Variants in CD109 observed in about 807,000 individuals in gnomAD.
CD109 encodes the protein CD109 antigen.
In CD109, 149 loss-of-function variants were observed where a neutral mutation model predicts 165.8. The observed-to-expected ratio is 0.90, with a 90% confidence interval of 0.79 to 1.03. The LOEUF is 1.03. CD109 is among the 50% of genes least tolerant of loss of function. The pLI, the probability that CD109 is intolerant of heterozygous loss-of-function variation, is 0.00. For synonymous variants in CD109, 585 were observed against 592.1 expected, an observed-to-expected ratio of 0.99 and a Z score of 0.18; for missense variants, 1,712 against 1,677.8, an observed-to-expected ratio of 1.02 and a Z score of -0.36.
At chr6:73,743,657 T>G (rs1480135127) in intron 5 of CD109, among the ~76,000 whole-genome samples, 1 of 152,226 alleles carries the variant, frequency 6.6e-6, no homozygotes, top group African/African-American at 2.4e-5. Context: ...CATCTTTGTT[T>G]GGACAGTTCT....
chr6:73,812,287 AT>A lies in CD109; in HGVS notation c.3768+24del, dbSNP rs766136357. On this transcript the variant is annotated intron_variant, in intron 29 of 32. Transcript: ENST00000287097. The stretch of plus-strand genomic sequence containing the variant: ...ATTTGTCAGGTATGTAACGATGCTT[AT>A]TTTTTTAAGTTAAATATGACTTTTT... 7.8e-6 allele frequency: 12 copies of A among 1,543,506 alleles called. No individual in the cohort carries two copies. In the East Asian group the frequency reaches 9.1e-5, roughly 12 times the overall value.
chr6:73,798,487 A>G (rs185192429), intron 23 of CD109, among the ~76,000 whole-genome samples: 2 of 152,234 alleles, frequency 1.3e-5, no homozygotes, highest in East Asian at 1.9e-4. Context: ...GGGATCCACA[A>G]TGATGCATGC....
In CD109 at chr6:73,762,747, G is replaced by C. The variant is rs765239774; in HGVS notation, c.862G>C (p.Gly288Arg). ...GAACTTTTAAACAAAACAGATAAAT[G>C]GATCTGCAAACTTCTCTTTTAATGA... ...KNITKTFKIN[G>R]SANFSFNDEE... is the part of the protein sequence containing the mutation. The change falls in exon 9 of 33, where the codon GGA becomes CGA. Residue 288 changes from glycine to arginine, a missense_variant. Coordinates refer to ENST00000287097, the MANE Select transcript of CD109 (RefSeq NM_133493.5). The C allele has an allele frequency of 1.3e-6, 2 of 1,597,488 alleles. No homozygotes were observed.
Position 73,736,498 on chromosome 6 carries a change from T to G in CD109, c.623T>G (p.Val208Gly). The G allele has an allele frequency of 6.2e-7, 1 of 1,611,258 alleles. No individual in the cohort carries two copies. The highest frequency in any genetic ancestry group is 8.5e-7 in the Non-Finnish European group (1 of 1,178,958). ...ATACTTGGTGACTGGTCTATTCAAG[T>G]TCAAGTGAATGTGAGTATAAATATA... ...HPILGDWSIQ[V>G]QVNDQTYYQS... is the part of the protein sequence containing the mutation. The change falls in exon 5 of 33, where the codon GTT becomes GGT. Residue 208 changes from valine to glycine, a missense_variant. By Grantham distance (109) the Val-to-Gly change is moderately radical. Transcript: ENST00000287097.
At chr6:73,757,829 G>GA (rs1443914920) in intron 6 of CD109, among the ~76,000 whole-genome samples, 1 of 152,138 alleles carries the variant, frequency 6.6e-6, no homozygotes, top group Non-Finnish European at 1.5e-5. Context: ...TACTAGAAAT[G>GA]AAAAATTACA....
chr6:73,683,586 A>AT, the CD109 span, among the ~76,000 whole-genome samples: 1 of 152,148 alleles, frequency 6.6e-6, no homozygotes, highest in Non-Finnish European at 1.5e-5. Flanking sequence ...TCACTTCAAC[A>AT]TTTTTGGGTA....
chr6:73,804,253 A>ATCTGCTTCAAATTT (rs1243341869), intron 24 of CD109, among the ~76,000 whole-genome samples: 2 of 152,256 alleles, frequency 1.3e-5, no homozygotes, highest in African/African-American at 4.8e-5. Context: ...CATGAAACAG[A>ATCTGCTTCAAATTT]TCTGCTTCAA....
At chr6:73,815,810 C>T (rs1775917116) in intron 30 of CD109, among the ~76,000 whole-genome samples, 1 of 152,206 alleles carries the variant, frequency 6.6e-6, no homozygotes, top group Non-Finnish European at 1.5e-5. Flanking sequence ...TTTGAGCACA[C>T]TCCTTGTGAA....
At chr6:73,689,458 G>C in the CD109 span, among the ~76,000 whole-genome samples, 2 of 152,142 alleles carry the variant, frequency 1.3e-5, no homozygotes. Flanking sequence ...TTGATTGCTT[G>C]GTCAGCATGG....
chr6:73,821,316 T>C (rs539764909), intron 32 of CD109, among the ~76,000 whole-genome samples: 1 of 152,242 alleles, frequency 6.6e-6, no homozygotes, highest in East Asian at 1.9e-4. Flanking sequence ...ATAAAAAAAA[T>C]GGGAGTTCTT....
At chr6:73,803,071 A>T (rs1459172867) in intron 23 of CD109, 149 bp from the exon 24 acceptor site, 1 of 582,094 alleles carries the variant, frequency 1.7e-6, no homozygotes, top group East Asian at 3.2e-5. Flanking sequence ...AACAGCACTT[A>T]AAATAGAAAG....
intron 24 of CD109, among the ~76,000 whole-genome samples, chr6:73,805,264 T>C (rs886528969): frequency 2.6e-5 from 4 of 152,212 alleles, no homozygotes; most frequent in African/African-American, 9.6e-5. Flanking sequence ...TCTGTAACCT[T>C]ACCCCCAACC....
chr6:73,782,727 A>G lies in CD109; in HGVS notation c.2077A>G (p.Thr693Ala). 6.2e-7 allele frequency: 1 copy of G among 1,614,004 alleles called. No individual in the cohort carries two copies. The highest frequency in any genetic ancestry group is 8.5e-7 in the Non-Finnish European group (1 of 1,179,914). The change falls in exon 18 of 33, where the codon ACT (threonine) becomes GCT (alanine). Residue 693 changes from threonine (T) to alanine (A), a missense_variant. Transcript: ENST00000287097. The stretch of plus-strand genomic sequence containing the variant: ...ACATGTCCGAAAGCATTTTCCAGAG[A>G]CTTGGATTTGGCTAGACACCAACAT... ...SPHVRKHFPE[T>A]WIWLDTNMGY... is the part of the protein sequence containing the mutation.
intron 23 of CD109, among the ~76,000 whole-genome samples, chr6:73,800,084 A>G (rs961293451): frequency 6.6e-6 from 1 of 151,872 alleles, no homozygotes; most frequent in Admixed American, 6.6e-5. Context: ...TCAAACTCCT[A>G]GGCTCAAGTG....
intron 23 of CD109, among the ~76,000 whole-genome samples, chr6:73,802,944 C>G (rs1232283914): frequency 6.6e-6 from 1 of 152,136 alleles, no homozygotes; most frequent in Non-Finnish European, 1.5e-5. Context: ...AGGCAATCCA[C>G]CTGCTTCGGC....
chr6:73,819,863 A>G (rs1776052278), intron 31 of CD109, among the ~76,000 whole-genome samples: 1 of 152,248 alleles, frequency 6.6e-6, no homozygotes, highest in South Asian at 2.1e-4. Flanking sequence ...TTGAGTGTCC[A>G]GTACTCTTTG....
At chr6:73,783,915 A>C (rs1774597645) in intron 19 of CD109, 91 bp downstream of exon 19, 1 of 685,868 alleles carries the variant, frequency 1.5e-6, no homozygotes, top group Non-Finnish European at 2.5e-6. Flanking sequence ...ATGACTGCTT[A>C]TAATGTTTAT....
chr6:73,809,358 C>T (rs1392466290), intron 26 of CD109, among the ~76,000 whole-genome samples: 1 of 152,076 alleles, frequency 6.6e-6, no homozygotes, highest in East Asian at 1.9e-4. Context: ...TTCAATGTGT[C>T]TTAAAATATT....
chr6:73,773,139 C>T (rs775523152), intron 15 of CD109, among the ~76,000 whole-genome samples: 1 of 150,558 alleles, frequency 6.6e-6, no homozygotes, highest in Non-Finnish European at 1.5e-5. Context: ...ACACACACAC[C>T]CCATCTGATG....
Sources: gnomAD v4.1 joint callset for allele counts (sites outside exome capture counted in the v4.1 genomes callset) on GRCh38, gnomAD v4.1.1 for gene constraint, MANE v1.5 for transcripts, NCBI Gene and HGNC (gene_info 2026-07-23, HGNC 2026-07-21) for gene names.